Variants in SCML4 observed in about 807,000 individuals in gnomAD.
SCML4 encodes the protein sex comb on midleg-like protein 4.
Under a neutral mutation model 41.1 loss-of-function variants are expected in SCML4, and 34 were observed. That is an observed-to-expected ratio of 0.83 (90% CI 0.63 to 1.10). The LOEUF is 1.10. SCML4 is among the 50% of genes least tolerant of loss of function. The pLI is 0.00. For missense variants in SCML4, 522 were observed against 534.1 expected (o/e 0.98, Z 0.22); for synonymous variants, 214 against 220.9 (o/e 0.97, Z 0.28).
chr6:107,843,279 G>C, the SCML4 span, among the ~76,000 whole-genome samples: 1 of 151,998 alleles, frequency 6.6e-6, no homozygotes, highest in Non-Finnish European at 1.5e-5. Flanking sequence ...GAAAATAGAA[G>C]ACAGGAAATC....
At chr6:107,707,741 AG>A in intron 7 of SCML4, 124 bp downstream of exon 7, 3 of 1,211,376 alleles carry the variant, frequency 2.5e-6, no homozygotes, top group Non-Finnish European at 2.4e-6. Context: ...GGGTGCCCCT[AG>A]GGCTTAGTTT....
intron 2 of SCML4, among the ~76,000 whole-genome samples, chr6:107,758,718 C>T (rs1256910507): frequency 2.6e-5 from 4 of 152,038 alleles, no homozygotes; most frequent in Admixed American, 6.5e-5. Context: ...AGCCGGCAAC[C>T]ACCAGAAGCT....
At chr6:107,845,936 G>T in the SCML4 span, among the ~76,000 whole-genome samples, 2 of 152,194 alleles carry the variant, frequency 1.3e-5, no homozygotes, top group Non-Finnish European at 2.9e-5. Flanking sequence ...TCCAGTGAAG[G>T]TCCTGTCCCC....
intron 2 of SCML4, among the ~76,000 whole-genome samples, chr6:107,758,783 C>T (rs1229439342): frequency 6.6e-6 from 1 of 152,092 alleles, no homozygotes; most frequent in African/African-American, 2.4e-5. Context: ...GAGCATGGCC[C>T]TGCTGACACC....
chr6:107,743,384 C>T (rs1271745276), intron 5 of SCML4, among the ~76,000 whole-genome samples: 1 of 152,194 alleles, frequency 6.6e-6, no homozygotes, highest in East Asian at 1.9e-4. Flanking sequence ...GGTTATGCTG[C>T]TTTATGATGA....
At chr6:107,838,386 G>A in the SCML4 span, among the ~76,000 whole-genome samples, 2 of 152,112 alleles carry the variant, frequency 1.3e-5, no homozygotes, top group Non-Finnish European at 2.9e-5. Flanking sequence ...ACCAGATGCC[G>A]AGCTCTGGAT....
intron 3 of SCML4, among the ~76,000 whole-genome samples, chr6:107,747,883 T>C (rs1374190136): frequency 1.3e-5 from 2 of 152,208 alleles, no homozygotes; most frequent in Non-Finnish European, 2.9e-5. Context: ...TCTATGACAA[T>C]GAATAAATTC....
intron 5 of SCML4, among the ~76,000 whole-genome samples, chr6:107,725,670 GAAAC>G (rs1275099226): frequency 1.3e-5 from 2 of 152,138 alleles, no homozygotes; most frequent in Non-Finnish European, 2.9e-5. Flanking sequence ...CTCTTAGAAA[GAAAC>G]ATATGGGGTA....
chr6:107,722,921 G>A (rs1293198096), intron 5 of SCML4, among the ~76,000 whole-genome samples: 1 of 152,038 alleles, frequency 6.6e-6, no homozygotes, highest in African/African-American at 2.4e-5. Context: ...ATAAAGATTT[G>A]AGCAAAAATT....
At chr6:107,732,817 TG>T (rs1166471635) in intron 5 of SCML4, among the ~76,000 whole-genome samples, 1 of 152,200 alleles carries the variant, frequency 6.6e-6, no homozygotes, top group East Asian at 1.9e-4. Context: ...CACAATTTTT[TG>T]GTCTTTCATA....
chr6:107,840,400 T>C, the SCML4 span, among the ~76,000 whole-genome samples: 3 of 152,366 alleles, frequency 2.0e-5, no homozygotes, highest in Middle Eastern at 3.4e-3. Context: ...CTTTTTGAGC[T>C]ATCAAACATA....
At chr6:107,731,171 C>T (rs763437710) in intron 5 of SCML4, among the ~76,000 whole-genome samples, 3 of 152,240 alleles carry the variant, frequency 2.0e-5, no homozygotes, top group Non-Finnish European at 2.9e-5. Context: ...CAAAACAGAG[C>T]GGCAGGGAGG....
intron 1 of SCML4, among the ~76,000 whole-genome samples, chr6:107,772,932 G>A (rs1289791303): frequency 6.6e-6 from 1 of 152,124 alleles, no homozygotes; most frequent in Non-Finnish European, 1.5e-5. Flanking sequence ...TTACATACAG[G>A]TATGTTCATT....
At chr6:107,804,248 C>CGTGTGTGTGT (rs1554223036) in intron 1 of SCML4, among the ~76,000 whole-genome samples, 128,453 of 150,672 alleles carry the variant, frequency 0.85, 57,180 homozygotes, top group Non-Finnish European at 0.98. Flanking sequence ...AAACATGAAA[C>CGTGTGTGTGT]GTGTGTGTGT....
the SCML4 span, among the ~76,000 whole-genome samples, chr6:107,835,763 C>CA: frequency 0.67 from 58,111 of 86,434 alleles, 19,271 homozygotes; most frequent in South Asian, 0.78. Flanking sequence ...GACCCCATCT[C>CA]AAAAAAAAAA....
At chr6:107,762,917 C>G (rs1583519561) in intron 2 of SCML4, among the ~76,000 whole-genome samples, 1 of 112,304 alleles carries the variant, frequency 8.9e-6, no homozygotes, top group Non-Finnish European at 1.7e-5. Flanking sequence ...AGGTCTCACT[C>G]TGTCACTCAA....
At chr6:107,786,854 A>G (rs1461821276) in intron 1 of SCML4, among the ~76,000 whole-genome samples, 1 of 152,238 alleles carries the variant, frequency 6.6e-6, no homozygotes, top group Non-Finnish European at 1.5e-5. Context: ...GGCCACTGCA[A>G]TAAGACGCAG....
chr6:107,821,580 C>T (rs1305772417), intron 1 of SCML4, among the ~76,000 whole-genome samples: 1 of 152,150 alleles, frequency 6.6e-6, no homozygotes, highest in Non-Finnish European at 1.5e-5. Context: ...CCCTTCTTTC[C>T]CATTCCATCC....
intron 1 of SCML4, among the ~76,000 whole-genome samples, chr6:107,798,997 A>G (rs1331096981): frequency 6.6e-6 from 1 of 152,062 alleles, no homozygotes; most frequent in African/African-American, 2.4e-5. Context: ...CTTATTGTCT[A>G]TGTTGGTGAA....
Sources: gnomAD v4.1 joint callset for allele counts (sites outside exome capture counted in the v4.1 genomes callset) on GRCh38, gnomAD v4.1.1 for gene constraint, MANE v1.5 for transcripts, NCBI Gene and HGNC (gene_info 2026-07-23, HGNC 2026-07-21) for gene names.